Variants in PCNT observed in about 807,000 individuals in gnomAD.
PCNT encodes the protein pericentrin, also known as kendrin.
PCNT carries 319 observed loss-of-function variants against 380.4 expected under a neutral mutation model. The ratio of observed to expected loss-of-function variants is 0.84; its 90% CI spans 0.77 to 0.92. The LOEUF (loss-of-function observed/expected upper bound fraction) is 0.92, where lower values mean the gene tolerates loss of function less well. PCNT is among the 40% of genes least tolerant of loss of function. PCNT has a pLI of 0.00. For synonymous variants in PCNT, 1,845 were observed against 1,735.2 expected, an observed-to-expected ratio of 1.06 and a Z score of -1.57; for missense variants, 4,400 against 4,255.3, an observed-to-expected ratio of 1.03 and a Z score of -0.95.
rs1370295500 is a variant in PCNT, at chr21:46,398,036, A to T, written c.4469A>T (p.His1490Leu). 5 of 1,591,552 alleles carry T rather than the reference A, an allele frequency of 3.1e-6. No homozygotes were observed. Among genetic ancestry groups the T allele is most frequent in the Non-Finnish European group, 3.4e-6 (4 of 1,170,390 alleles). The change falls in exon 23 of 47, where the codon CAC becomes CTC. Residue 1490 changes from histidine to leucine, a missense_variant. Coordinates refer to ENST00000359568, the MANE Select transcript of PCNT (RefSeq NM_006031.6). ...CAGGAGCAGGCAGCCGAGCGGGAGC[A>T]CGAGCGCGAGGAGTTCCAGCAGGAG... Reference protein sequence around the residue: ...FMDEQAAEREHEREEFQQEIQ... With the variant: ...FMDEQAAERELEREEFQQEIQ...
At chr21:46,346,530 C>T (rs1219678724) in intron 4 of PCNT, among the ~76,000 whole-genome samples, 1 of 152,158 alleles carries the variant, frequency 6.6e-6, no homozygotes, top group Non-Finnish European at 1.5e-5. Context: ...TGCTGGTGCT[C>T]AGGGCAGTGA....
chr21:46,390,828 T>C lies in PCNT; in HGVS notation c.3999T>C (p.Thr1333=). The C allele has an allele frequency of 6.2e-7, 1 of 1,608,176 alleles. No homozygotes were observed. ...KAELALELHK[T]QGTLEGFKVE... ...AGCTGGCGCTGGAGCTGCACAAGAC[T>C]CAGGGTGAGCAGCATGAGGCCTCGG... The change falls in exon 20 of 47, where the codon ACT becomes ACC. Residue 1333 remains threonine (T), a synonymous_variant. Coordinates refer to ENST00000359568, the MANE Select transcript of PCNT (RefSeq NM_006031.6).
rs1210274793 is a variant in PCNT at position 46,416,123 on chromosome 21, C to G, written c.6205C>G (p.Gln2069Glu). The G allele has an allele frequency of 5.0e-6, 8 of 1,614,026 alleles. No homozygotes were observed. Among genetic ancestry groups the G allele is most frequent in the Non-Finnish European group, 6.8e-6 (8 of 1,180,042 alleles). ...CQLPKVDLVA[Q>E]VKQLQEKLNR... ...GCTGCCGAAGGTCGATCTCGTAGCT[C>G]AGGTGAAACAGCTTCAGGAAAAACT... is the stretch of plus-strand genomic sequence containing the variant. The change falls in exon 30 of 47, where the codon CAG (glutamine) becomes GAG (glutamate). Residue 2069 changes from glutamine (Q) to glutamate (E), a missense_variant. Physicochemically the swap from Gln to Glu is conservative, Grantham distance 29. Transcript: ENST00000359568.
At chr21:46,420,145 C>T (rs561079781) in intron 31 of PCNT, among the ~76,000 whole-genome samples, 11 of 152,244 alleles carry the variant, frequency 7.2e-5, no homozygotes, top group South Asian at 4.1e-4. Context: ...TCTGTGCCTG[C>T]GCCCTCCAGT....
intron 8 of PCNT, 152 bp downstream of exon 8, chr21:46,349,972 C>CTT: frequency 2.4e-6 from 2 of 833,036 alleles, no homozygotes; most frequent in Non-Finnish European, 2.0e-6. Flanking sequence ...GCCTGTAACT[C>CTT]TATCACTTTG....
At chr21:46,385,778 A>G in intron 16 of PCNT, 54 bp from the exon 17 acceptor site, 2 of 1,594,682 alleles carry the variant, frequency 1.3e-6, no homozygotes, top group South Asian at 1.1e-5. Flanking sequence ...CCTTACAGCC[A>G]TTTGCTTTTA....
At chr21:46,442,192 A>T (rs1266424362) in intron 43 of PCNT, among the ~76,000 whole-genome samples, 1 of 151,894 alleles carries the variant, frequency 6.6e-6, no homozygotes, top group Non-Finnish European at 1.5e-5. Flanking sequence ...TTTGAACTGG[A>T]GTCGTCCTGA....
intron 15 of PCNT, among the ~76,000 whole-genome samples, chr21:46,372,580 A>T (rs2085188247): frequency 6.6e-6 from 1 of 152,216 alleles, no homozygotes; most frequent in Non-Finnish European, 1.5e-5. Flanking sequence ...CATTATGTGC[A>T]AATTTTAGGT....
At chr21:46,423,744 A>G (rs977433755) in intron 32 of PCNT, among the ~76,000 whole-genome samples, 25 of 45,134 alleles carry the variant, frequency 5.5e-4, no homozygotes, top group South Asian at 2.0e-3. Flanking sequence ...GGAGGGGAAG[A>G]GGGGAGGAGG....
chr21:46,378,449 G>C (rs2085402391), intron 15 of PCNT, among the ~76,000 whole-genome samples: 1 of 152,130 alleles, frequency 6.6e-6, no homozygotes, highest in Non-Finnish European at 1.5e-5. Context: ...TTGAACACAG[G>C]CACTGTGATG....
chr21:46,437,116 C>A, intron 40 of PCNT, 35 bp downstream of exon 40: 1 of 1,462,850 alleles, frequency 6.8e-7, no homozygotes, highest in Non-Finnish European at 9.6e-7. Context: ...CCTGGCCTGG[C>A]TCCTCCCCCA....
chr21:46,406,921 C>T (rs567917681), intron 27 of PCNT, among the ~76,000 whole-genome samples: 2 of 152,318 alleles, frequency 1.3e-5, no homozygotes, highest in South Asian at 4.1e-4. Context: ...TAGTGATGTA[C>T]TGCCCTTTTC....
chr21:46,376,221 G>C (rs1320007683), intron 15 of PCNT, among the ~76,000 whole-genome samples: 2 of 152,360 alleles, frequency 1.3e-5, no homozygotes, highest in East Asian at 3.9e-4. Flanking sequence ...GGCTCTGGGG[G>C]TGTCCAATGT....
chr21:46,410,808 C>T lies in PCNT; in HGVS notation c.5116-381C>T, dbSNP rs533196581. 1.1e-3 allele frequency among the ~76,000 whole-genome samples: 168 copies of T among 152,326 alleles called. 1 individual carries two copies. The highest frequency in any genetic ancestry group is 3.7e-4 in the Non-Finnish European group (25 of 68,040). ...ATTCTCTGCCTAGGTTTCTTACTTT[C>T]CTCCTGGAGTCAGAATGACACCTAA... On this transcript the variant is annotated intron_variant, in intron 27 of 46. Transcript: ENST00000359568.
In PCNT at chr21:46,420,359, C is replaced by T. The variant is rs149190744; in HGVS notation, c.7025-1611C>T. On this transcript the variant is annotated intron_variant, in intron 31 of 46. Transcript: ENST00000359568. The stretch of plus-strand genomic sequence containing the variant: ...TTTGTTCTCATTTCTAAGAGGTTTT[C>T]TTTAGAACTTTATTTTTCAACATTT... 1.2e-3 allele frequency among the ~76,000 whole-genome samples: 184 copies of T among 152,218 alleles called. 1 individual carries two copies. Among genetic ancestry groups the T allele is most frequent in the Non-Finnish European group, 1.9e-3 (131 of 68,004 alleles).
chr21:46,431,394 A>G (rs1569298932), intron 37 of PCNT, 135 bp from the exon 38 acceptor site: 2 of 1,520,452 alleles, frequency 1.3e-6, no homozygotes, highest in East Asian at 4.7e-5. Context: ...TGTTGTCCCT[A>G]CATGTGGCTA....
At chr21:46,359,491 G>GTTTTTTTGTTTTTTT (rs2084618655) in intron 13 of PCNT, among the ~76,000 whole-genome samples, 1 of 66,048 alleles carries the variant, frequency 1.5e-5, no homozygotes, top group Non-Finnish European at 3.2e-5. Flanking sequence ...TTTTTTTTTT[G>GTTTTTTTGTTTTTTT]TTTTTTTTTT....
chr21:46,324,529 T>A (rs2083292074), intron 1 of PCNT, among the ~76,000 whole-genome samples: 1 of 140,730 alleles, frequency 7.1e-6, no homozygotes, highest in South Asian at 2.3e-4. Context: ...GCGCGGCGCC[T>A]CTCGGGCGGG....
At chr21:46,360,761 G>T (rs948245304) in intron 13 of PCNT, among the ~76,000 whole-genome samples, 2 of 151,286 alleles carry the variant, frequency 1.3e-5, no homozygotes, top group South Asian at 4.2e-4. Context: ...TTCCCGATCC[G>T]CCCACCTCGG....
Sources: gnomAD v4.1 joint callset for allele counts (sites outside exome capture counted in the v4.1 genomes callset) on GRCh38, gnomAD v4.1.1 for gene constraint, MANE v1.5 for transcripts, NCBI Gene and HGNC (gene_info 2026-07-23, HGNC 2026-07-21) for gene names.